CUX1: variants seen among roughly 807,000 people sequenced by gnomAD.
CUX1 encodes the protein cut like homeobox 1.
CUX1 carries 31 observed loss-of-function variants against 158.8 expected under a neutral mutation model. That is an observed-to-expected ratio of 0.20 (90% CI 0.15 to 0.26). The LOEUF is 0.26. Among genes scored for constraint, CUX1 ranks in the 10% least tolerant of loss-of-function variants. The probability of loss-of-function intolerance (pLI) is 1.00; values close to 1 mark genes in which losing one functional copy is unlikely to be tolerated. For missense variants in CUX1, 1,589 were observed against 2,014.6 expected, an observed-to-expected ratio of 0.79 and a Z score of 4.04; for synonymous variants, 879 against 862.1, an observed-to-expected ratio of 1.02 and a Z score of -0.34.
chr7:102,121,800 G>A (rs1832078316), intron 8 of CUX1, among the ~76,000 whole-genome samples: 1 of 152,092 alleles, frequency 6.6e-6, no homozygotes, highest in Admixed American at 6.6e-5. Flanking sequence ...CCTGGACCTG[G>A]TCCTTTAGGC....
intron 9 of CUX1, among the ~76,000 whole-genome samples, chr7:102,162,940 G>A (rs1790611474): frequency 6.6e-6 from 1 of 152,154 alleles, no homozygotes; most frequent in South Asian, 2.1e-4. Context: ...CTCCCAGAGA[G>A]CATGAGATGG....
chr7:101,919,212 G>GC (rs983468152), intron 2 of CUX1, among the ~76,000 whole-genome samples: 47 of 152,194 alleles, frequency 3.1e-4, no homozygotes, highest in African/African-American at 1.1e-3. Context: ...GTGTGTGTGG[G>GC]GGGGGAGCTG....
intron 2 of CUX1, among the ~76,000 whole-genome samples, chr7:101,935,164 A>T (rs1045292000): frequency 6.6e-6 from 1 of 152,122 alleles, no homozygotes; most frequent in Non-Finnish European, 1.5e-5. Flanking sequence ...TTAACTGATG[A>T]CATTATCTTG....
intron 4 of CUX1, among the ~76,000 whole-genome samples, chr7:102,071,365 G>A (rs1231529427): frequency 6.6e-6 from 1 of 152,172 alleles, no homozygotes; most frequent in African/African-American, 2.4e-5. Flanking sequence ...AAGTGAGAAG[G>A]CAGGTAGAGT....
intron 2 of CUX1, among the ~76,000 whole-genome samples, chr7:101,968,266 G>C (rs935371777): frequency 6.6e-6 from 1 of 152,122 alleles, no homozygotes; most frequent in Non-Finnish European, 1.5e-5. Context: ...TGGGGTGGGA[G>C]GGAGTTCCTA....
At chr7:101,873,178 CTTTTTTTTTT>C in intron 1 of CUX1, among the ~76,000 whole-genome samples, 1 of 119,706 alleles carries the variant, frequency 8.4e-6, no homozygotes, top group East Asian at 2.6e-4. Context: ...GCCTCAGCTT[CTTTTTTTTTT>C]TTTTTTTTTT....
chr7:102,162,959 G>A (rs782480672), intron 9 of CUX1, among the ~76,000 whole-genome samples: 7 of 152,160 alleles, frequency 4.6e-5, no homozygotes, highest in Admixed American at 6.6e-5. Flanking sequence ...GGGGAATCAC[G>A]CACAGAGTGG....
rs1357447896 is a variant in CUX1 at position 102,248,905 on chromosome 7, G to C, written c.4381G>C (p.Gly1461Arg). The change falls in exon 24 of 24, where the codon GGC becomes CGC. Residue 1461 changes from glycine (G) to arginine (R), a missense_variant. Around this residue, in one of 8 missense-constraint regions of CUX1, gnomAD observed 344 missense variants for 323.7 expected, o/e 1.06. Coordinates refer to ENST00000292535, the MANE Select transcript of CUX1 (RefSeq NM_181552.4). This position sits in a 1 kb window ranked among gnomAD's most constrained non-coding sequence, Gnocchi z 5.8. ...GCCCAGCTCGCTGCAGAGCCTTTTC[G>C]GCCTCCCCGAGGCCGCGGGCGCCCG... ...RRPSSLQSLF[G>R]LPEAAGARDS... 2 of 1,433,416 alleles carry C rather than the reference G, an allele frequency of 1.4e-6. No individual in the cohort carries two copies. Among genetic ancestry groups the C allele is most frequent in the Non-Finnish European group, 1.8e-6 (2 of 1,087,884 alleles). The allele number at this position is 1,433,416 out of a possible 1,614,324, so 88.8% of individuals were successfully genotyped here. A position where few individuals can be genotyped will look rare whatever the true frequency, so the allele number is the denominator to read the frequency against.
exon 17 of CUX1, chr7:102,275,349 A>G (rs2132815239): frequency 6.2e-7 from 1 of 1,612,494 alleles, no homozygotes; most frequent in East Asian, 2.2e-5. Flanking sequence ...CGGAACCAGG[A>G]GCTTGAGGCC....
chr7:101,892,985 A>G (rs1801050249), intron 1 of CUX1, among the ~76,000 whole-genome samples: 2 of 152,042 alleles, frequency 1.3e-5, no homozygotes, highest in Non-Finnish European at 2.9e-5. Context: ...TTGTTCTATT[A>G]CTAGAAAATA....
intron 1 of CUX1, among the ~76,000 whole-genome samples, chr7:101,867,526 T>C (rs1313874866): frequency 6.6e-6 from 1 of 152,154 alleles, no homozygotes; most frequent in Non-Finnish European, 1.5e-5. Flanking sequence ...CAGGTCACCG[T>C]GGGCACACTG....
At position 102,252,063 on chromosome 7, in the gene CUX1, A is replaced by T; in HGVS notation, c.*3021A>T. 1.0e-6 allele frequency: 1 copy of T among 985,414 alleles called. No individual in the cohort carries two copies. The highest frequency in any genetic ancestry group is 1.2e-6 in the Non-Finnish European group (1 of 829,928). The allele number at this position is 985,414 out of a possible 1,614,324, so 61.0% of individuals were successfully genotyped here. A position where few individuals can be genotyped will look rare whatever the true frequency, so the allele number is the denominator to read the frequency against. On this transcript the variant is annotated 3_prime_UTR_variant, in exon 24 of 24. Coordinates refer to ENST00000292535, the MANE Select transcript of CUX1 (RefSeq NM_181552.4). The stretch of plus-strand genomic sequence containing the variant: ...GCCAGACTTACATCTGGTGCCAGAT[A>T]CAATCAGTTGGTTAAATTTTGCTTG...
At position 102,148,010 on chromosome 7, in the gene CUX1, A is replaced by G. The variant is rs180790630; in HGVS notation, c.675-10550A>G. On this transcript the variant is annotated intron_variant, in intron 8 of 23. Coordinates refer to ENST00000292535, the MANE Select transcript of CUX1 (RefSeq NM_181552.4). ...TAAATAAATAAATAAATAAATTTGC[A>G]TATTTGGTCAACCAGTATTTTGTGA... is the stretch of plus-strand genomic sequence containing the variant. Among the ~76,000 whole-genome samples the G allele has an allele frequency of 3.9e-5, 6 of 152,314 alleles. No homozygotes were observed. In the East Asian group the frequency reaches 9.6e-4, roughly 24 times the overall value.
At chr7:102,265,939 CA>C (rs1168955144) in intron 14 of CUX1, among the ~76,000 whole-genome samples, 3 of 152,072 alleles carry the variant, frequency 2.0e-5, no homozygotes, top group African/African-American at 7.2e-5. Flanking sequence ...GGCAGTGGCT[CA>C]CGCCTGTAAT....
At chr7:101,867,330 G>T (rs1798034099) in intron 1 of CUX1, among the ~76,000 whole-genome samples, 1 of 152,182 alleles carries the variant, frequency 6.6e-6, no homozygotes, top group Non-Finnish European at 1.5e-5. Flanking sequence ...CACACTCAAG[G>T]GTTTCGTAAT....
intron 6 of CUX1, among the ~76,000 whole-genome samples, chr7:102,106,902 C>T (rs140517693): frequency 1.3e-5 from 2 of 152,290 alleles, no homozygotes; most frequent in East Asian, 3.9e-4. Context: ...TCATGAAGGC[C>T]TCTGAGGAAT....
chr7:102,133,789 T>A (rs1172706687), intron 8 of CUX1, among the ~76,000 whole-genome samples: 1 of 150,080 alleles, frequency 6.7e-6, no homozygotes, highest in East Asian at 1.9e-4. Context: ...AAATACATCT[T>A]TATTTCCATC....
chr7:102,076,093 G>A (rs887034860), intron 4 of CUX1, among the ~76,000 whole-genome samples: 5 of 148,340 alleles, frequency 3.4e-5, no homozygotes, highest in African/African-American at 1.0e-4. Context: ...TCACATTAAA[G>A]ACACAAAGGC....
At chr7:101,904,733 TA>T (rs1254110691) in intron 1 of CUX1, among the ~76,000 whole-genome samples, 2 of 152,010 alleles carry the variant, frequency 1.3e-5, no homozygotes, top group African/African-American at 4.8e-5. Context: ...CACACCCAGC[TA>T]ATTTTTGTAT....
Sources: gnomAD v4.1 joint callset for allele counts (sites outside exome capture counted in the v4.1 genomes callset) on GRCh38, gnomAD v4.1.1 for gene constraint, gnomAD v4.1.1 regional missense constraint, Gnocchi (gnomAD v3.1) non-coding constraint, MANE v1.5 for transcripts, NCBI Gene and HGNC (gene_info 2026-07-23, HGNC 2026-07-21) for gene names.